Variants in CSMD1 observed in about 807,000 individuals in gnomAD.
CSMD1 encodes CUB and Sushi multiple domains 1.
A neutral mutation model predicts 417.5 loss-of-function variants in CSMD1; 213 were observed. The observed-to-expected ratio is 0.51, with a 90% CI of 0.46 to 0.57. CSMD1 has a LOEUF of 0.57. Among genes scored for constraint, CSMD1 ranks in the 20% least tolerant of loss-of-function variants. The probability of loss-of-function intolerance (pLI) is 0.00; values close to 1 mark genes in which losing one functional copy is unlikely to be tolerated. For synonymous variants in CSMD1, 2,862 were observed against 1,736.8 expected, an observed-to-expected ratio of 1.65 and a Z score of -16.11; for missense variants, 6,923 against 4,529.7, an observed-to-expected ratio of 1.53 and a Z score of -15.17.
chr8:3,639,174 G>C (rs1007171665), intron 7 of CSMD1, among the ~76,000 whole-genome samples: 1 of 152,216 alleles, frequency 6.6e-6, no homozygotes, highest in East Asian at 1.9e-4. Context: ...CTCAATTCAA[G>C]AGGACAGAGT....
chr8:4,663,652 A>C (rs1654804851), intron 1 of CSMD1, among the ~76,000 whole-genome samples: 1 of 152,166 alleles, frequency 6.6e-6, no homozygotes, highest in Non-Finnish European at 1.5e-5. Context: ...GATTGTTTTA[A>C]GTTCCCTGAG....
intron 40 of CSMD1, among the ~76,000 whole-genome samples, chr8:3,143,507 T>C (rs1215112846): frequency 6.6e-6 from 1 of 152,212 alleles, no homozygotes; most frequent in Non-Finnish European, 1.5e-5. Flanking sequence ...ATAAAAATAA[T>C]TGAGAGTTAT....
chr8:3,482,250 A>T (rs765335747), intron 11 of CSMD1, among the ~76,000 whole-genome samples: 6 of 152,166 alleles, frequency 3.9e-5, no homozygotes, highest in African/African-American at 1.4e-4. Flanking sequence ...AGAATGTATT[A>T]AAAAATTACC....
intron 2 of CSMD1, among the ~76,000 whole-genome samples, chr8:4,581,719 C>T (rs2130699007): frequency 6.6e-6 from 1 of 152,288 alleles, no homozygotes; most frequent in African/African-American, 2.4e-5. Flanking sequence ...TAACAGCTTC[C>T]AGAGAATTCC....
intron 5 of CSMD1, among the ~76,000 whole-genome samples, chr8:3,805,006 G>C (rs910731262): frequency 6.6e-6 from 1 of 152,108 alleles, no homozygotes; most frequent in Non-Finnish European, 1.5e-5. Flanking sequence ...ACTTCTTCTG[G>C]TCTTGAAGAG....
At chr8:4,257,650 G>A (rs923127241) in intron 3 of CSMD1, among the ~76,000 whole-genome samples, 3 of 152,170 alleles carry the variant, frequency 2.0e-5, no homozygotes, top group Non-Finnish European at 4.4e-5. Flanking sequence ...ACATCACATT[G>A]GTTACAGCAT....
chr8:4,500,336 T>C (rs1048805435), intron 2 of CSMD1, among the ~76,000 whole-genome samples: 1 of 152,160 alleles, frequency 6.6e-6, no homozygotes, highest in Admixed American at 6.6e-5. Flanking sequence ...CACCACACAG[T>C]AGAATCACTA....
intron 10 of CSMD1, among the ~76,000 whole-genome samples, chr8:3,495,792 G>C (rs974951968): frequency 2.0e-5 from 3 of 152,312 alleles, no homozygotes; most frequent in Middle Eastern, 3.4e-3. Flanking sequence ...TAATGACATT[G>C]AGCCAAAATG....
At chr8:4,117,732 G>A (rs569658256) in intron 3 of CSMD1, among the ~76,000 whole-genome samples, 3 of 152,282 alleles carry the variant, frequency 2.0e-5, no homozygotes, top group East Asian at 3.9e-4. Context: ...TTTTAGAGAA[G>A]TAAGTTTAGA....
chr8:3,374,905 T>G (rs1271308710), intron 18 of CSMD1, among the ~76,000 whole-genome samples: 1 of 152,172 alleles, frequency 6.6e-6, no homozygotes, highest in Admixed American at 6.5e-5. Context: ...CAGTTATTGT[T>G]GCCTGGAACT....
chr8:4,003,786 T>C (rs1422098943), intron 4 of CSMD1, among the ~76,000 whole-genome samples: 1 of 152,112 alleles, frequency 6.6e-6, no homozygotes, highest in Non-Finnish European at 1.5e-5. Context: ...CAACTTAGGG[T>C]CTGATGTCTA....
At chr8:3,490,838 G>T (rs564382494) in intron 11 of CSMD1, among the ~76,000 whole-genome samples, 1 of 151,982 alleles carries the variant, frequency 6.6e-6, no homozygotes, top group South Asian at 2.1e-4. Context: ...TGGGCCCTCA[G>T]ATGTAGGACT....
rs768860258 is a variant in CSMD1 at position 3,199,817 on chromosome 8, C to G, written c.5099-8G>C. On this transcript the variant is annotated splice_polypyrimidine_tract_variant and splice_region_variant and intron_variant, in intron 32 of 69. Coordinates refer to ENST00000635120, the MANE Select transcript of CSMD1 (RefSeq NM_033225.6). Reference sequence around the variant, plus strand: ...CCAAGGGCAATGTTTCCCCTAGAAACGAAAACAGAGACAGATTCAGAAAAC... The same window carrying G: ...CCAAGGGCAATGTTTCCCCTAGAAAGGAAAACAGAGACAGATTCAGAAAAC... 13 of 1,550,372 alleles carry G rather than the reference C, an allele frequency of 8.4e-6. No individual in the cohort carries two copies. The highest frequency in any genetic ancestry group is 1.1e-5 in the Non-Finnish European group (12 of 1,142,398).
intron 49 of CSMD1, among the ~76,000 whole-genome samples, chr8:3,069,559 G>A (rs1038918007): frequency 2.0e-5 from 3 of 152,124 alleles, no homozygotes; most frequent in Non-Finnish European, 4.4e-5. Flanking sequence ...TTACATCCAG[G>A]GCACACCACT....
intron 1 of CSMD1, chr8:4,787,555 TG>T: frequency 6.9e-7 from 1 of 1,441,144 alleles, no homozygotes; most frequent in Non-Finnish European, 9.7e-7. Context: ...CCAGAAAATG[TG>T]GGGAGACAGC....
At chr8:3,153,145 C>G (rs531685202) in intron 39 of CSMD1, among the ~76,000 whole-genome samples, 2 of 152,144 alleles carry the variant, frequency 1.3e-5, no homozygotes, top group African/African-American at 4.8e-5. Flanking sequence ...CTAAACCCAC[C>G]AAAGCCAAGA....
At chr8:4,075,278 G>A (rs1488648737) in intron 3 of CSMD1, among the ~76,000 whole-genome samples, 1 of 152,002 alleles carries the variant, frequency 6.6e-6, no homozygotes, top group Non-Finnish European at 1.5e-5. Flanking sequence ...AAATAAAGAT[G>A]AATTGTTGAT....
chr8:4,801,946 T>C (rs1385799065), intron 1 of CSMD1, among the ~76,000 whole-genome samples: 1 of 152,212 alleles, frequency 6.6e-6, no homozygotes, highest in East Asian at 1.9e-4. Flanking sequence ...TGGTACATTT[T>C]GATCATCTCT....
At chr8:4,133,580 C>T (rs560796524) in intron 3 of CSMD1, among the ~76,000 whole-genome samples, 22 of 152,192 alleles carry the variant, frequency 1.4e-4, no homozygotes, top group Admixed American at 8.5e-4. Flanking sequence ...GCATTAACGC[C>T]GATATGTGTA....
Sources: gnomAD v4.1 joint callset for allele counts (sites outside exome capture counted in the v4.1 genomes callset) on GRCh38, gnomAD v4.1.1 for gene constraint, MANE v1.5 for transcripts, NCBI Gene and HGNC (gene_info 2026-07-23, HGNC 2026-07-21) for gene names.